The following ESRRB variants were observed in gnomAD, a reference collection of about 807,000 sequenced individuals.
ESRRB encodes the protein steroid hormone receptor ERR2.
Under a neutral mutation model 46.0 loss-of-function variants are expected in ESRRB, and 16 were observed. The ratio of observed to expected loss-of-function variants is 0.35; its 90% confidence interval spans 0.24 to 0.53. ESRRB has a LOEUF of 0.53. Ranked by LOEUF, ESRRB falls within the 20% of genes least tolerant of loss-of-function variation. The pLI is 0.93. For synonymous variants in ESRRB, 246 were observed against 259.6 expected (o/e 0.95, Z 0.50); for missense variants, 488 against 607.4 (o/e 0.80, Z 2.07).
At position 76,482,994 on chromosome 14, in the gene ESRRB, T is replaced by A. The variant is rs374715958; in HGVS notation, c.850+235T>A. On this transcript the variant is annotated intron_variant, in intron 5 of 6. Coordinates refer to ENST00000644823, the MANE Select transcript of ESRRB (RefSeq NM_001379180.1). This position sits in a 1 kb window ranked among gnomAD's most constrained non-coding sequence, Gnocchi z 4.3. ...GCTGCAGGCTCTTCAGAATTAGTTA[T>A]CATTCGAGGCGGGGCCATGTTTGGA... is the stretch of plus-strand genomic sequence containing the variant. 3.7e-4 allele frequency among the ~76,000 whole-genome samples: 56 copies of A among 152,316 alleles called. 2 individuals carry two copies. In the South Asian group the frequency reaches 0.011, roughly 30 times the overall value.
At chr14:76,334,960 T>C (rs531879337) in intron 1 of ESRRB, among the ~76,000 whole-genome samples, 2 of 152,286 alleles carry the variant, frequency 1.3e-5, no homozygotes, top group South Asian at 2.1e-4. Flanking sequence ...CCGAGGTGAC[T>C]CTTCATTCTC....
At chr14:76,492,849 C>T (rs1266962218) in intron 6 of ESRRB, among the ~76,000 whole-genome samples, 1 of 152,194 alleles carries the variant, frequency 6.6e-6, no homozygotes, top group African/African-American at 2.4e-5. Flanking sequence ...AGTAAGTGAA[C>T]TTGAATGTAA....
At chr14:76,329,035 A>G (rs1430257754) in intron 1 of ESRRB, among the ~76,000 whole-genome samples, 1 of 152,172 alleles carries the variant, frequency 6.6e-6, no homozygotes, top group African/African-American at 2.4e-5. Context: ...GAATGTCAGC[A>G]TGGTTATGGG....
intron 1 of ESRRB, among the ~76,000 whole-genome samples, chr14:76,315,483 T>C (rs1285247366): frequency 6.6e-6 from 1 of 152,190 alleles, no homozygotes; most frequent in Non-Finnish European, 1.5e-5. Context: ...TTCTCAGTTA[T>C]GAGACTTGAG....
At chr14:76,392,066 G>C (rs945683972) in intron 1 of ESRRB, among the ~76,000 whole-genome samples, 1 of 152,244 alleles carries the variant, frequency 6.6e-6, no homozygotes, top group Non-Finnish European at 1.5e-5. Context: ...CTCTTCGAAG[G>C]CTTTCTGTTC....
intron 1 of ESRRB, among the ~76,000 whole-genome samples, chr14:76,335,814 C>T (rs529326319): frequency 7.9e-5 from 12 of 152,322 alleles, no homozygotes; most frequent in Middle Eastern, 3.4e-3. Context: ...TTTCAGGTGT[C>T]ATAAGTTAAT....
At chr14:76,315,843 C>CTAAA (rs1467515439) in intron 1 of ESRRB, among the ~76,000 whole-genome samples, 1 of 152,214 alleles carries the variant, frequency 6.6e-6, no homozygotes, top group Non-Finnish European at 1.5e-5. Flanking sequence ...ACTGTTTAAA[C>CTAAA]CACTATGGGA....
intron 1 of ESRRB, among the ~76,000 whole-genome samples, chr14:76,321,826 G>A (rs1405684220): frequency 6.6e-6 from 1 of 151,830 alleles, no homozygotes; most frequent in Admixed American, 6.6e-5. Context: ...GGCGGAGCTT[G>A]CAGTGAGCCG....
intron 1 of ESRRB, among the ~76,000 whole-genome samples, chr14:76,434,604 G>A (rs1410110836): frequency 1.3e-5 from 2 of 150,976 alleles, no homozygotes; most frequent in South Asian, 2.1e-4. Flanking sequence ...AGGTTGCAGT[G>A]AGCCAAGATC....
At chr14:76,430,192 G>C (rs765286240) in intron 1 of ESRRB, among the ~76,000 whole-genome samples, 1 of 152,188 alleles carries the variant, frequency 6.6e-6, no homozygotes, top group Non-Finnish European at 1.5e-5. Context: ...TTTAGTTACA[G>C]TATAGTAGTT....
Position 76,439,596 on chromosome 14 carries a change from C to T in ESRRB, c.306C>T (p.Ser102=), listed in dbSNP as rs371102435. 51 of 1,614,180 alleles carry T rather than the reference C, an allele frequency of 3.2e-5. No individual in the cohort carries two copies. The African/African-American group carries it at 6.1e-4, about 19-fold the overall frequency. ...PCRKSYEDCA[S]GIMEDSAIKC... The stretch of plus-strand genomic sequence containing the variant: ...GCAAGAGCTACGAGGACTGTGCCAG[C>T]GGCATCATGGAGGACTCGGCCATCA... The change falls in exon 2 of 7, where the codon AGC becomes AGT. Residue 102 remains serine, a synonymous_variant. Transcript: ENST00000644823.
chr14:76,500,606 C>T lies in ESRRB; in HGVS notation c.*2148C>T. ...TGTCCTTGCAGCGGGGCCGAGGTAG[C>T]ACCCTGCTCTGTCACTTCCTGCTCA... On this transcript the variant is annotated 3_prime_UTR_variant, in exon 7 of 7. Transcript: ENST00000644823. 7.3e-7 allele frequency: 1 copy of T among 1,379,118 alleles called. No individual in the cohort carries two copies. The highest frequency in any genetic ancestry group is 1.0e-6 in the Non-Finnish European group (1 of 968,692). The allele number at this position is 1,379,118 out of a possible 1,614,324, so 85.4% of individuals were successfully genotyped here. A position where few individuals can be genotyped will look rare whatever the true frequency, so the allele number is the denominator to read the frequency against.
intron 2 of ESRRB, among the ~76,000 whole-genome samples, chr14:76,456,606 G>A (rs951161730): frequency 1.3e-5 from 2 of 152,184 alleles, no homozygotes; most frequent in Non-Finnish European, 2.9e-5. Context: ...CAGGTGGCTA[G>A]TCGTCCCTTT....
chr14:76,463,647 C>T (rs965243731), intron 3 of ESRRB, among the ~76,000 whole-genome samples: 3 of 151,744 alleles, frequency 2.0e-5, no homozygotes, highest in Non-Finnish European at 2.9e-5. Flanking sequence ...CGGGGTTTCA[C>T]GGTGTTAGCC....
At chr14:76,410,273 G>T (rs1339912868) in intron 1 of ESRRB, among the ~76,000 whole-genome samples, 1 of 151,980 alleles carries the variant, frequency 6.6e-6, no homozygotes, top group African/African-American at 2.4e-5. Flanking sequence ...TACCATTTTT[G>T]AGCCATTATA....
At chr14:76,469,821 T>C (rs566043226) in intron 3 of ESRRB, among the ~76,000 whole-genome samples, 9 of 152,210 alleles carry the variant, frequency 5.9e-5, no homozygotes, top group African/African-American at 1.9e-4. Flanking sequence ...TCTTGTCCCA[T>C]TCACCCCTTT....
intron 1 of ESRRB, among the ~76,000 whole-genome samples, chr14:76,401,406 A>G (rs1368436830): frequency 6.6e-6 from 1 of 152,198 alleles, no homozygotes; most frequent in Non-Finnish European, 1.5e-5. Flanking sequence ...CTTCAGCTGC[A>G]GCATTCCTTG....
At chr14:76,351,788 G>A (rs1884315782) in intron 1 of ESRRB, among the ~76,000 whole-genome samples, 1 of 152,030 alleles carries the variant, frequency 6.6e-6, no homozygotes. Flanking sequence ...AACAAGGACT[G>A]GGTGAATGTC....
chr14:76,428,641 C>T, intron 1 of ESRRB, among the ~76,000 whole-genome samples: 1 of 152,122 alleles, frequency 6.6e-6, no homozygotes. Context: ...AGCCTGAGCT[C>T]ATGTGTGCTG....
Sources: gnomAD v4.1 joint callset for allele counts (sites outside exome capture counted in the v4.1 genomes callset) on GRCh38, gnomAD v4.1.1 for gene constraint, Gnocchi (gnomAD v3.1) non-coding constraint, MANE v1.5 for transcripts, NCBI Gene and HGNC (gene_info 2026-07-23, HGNC 2026-07-21) for gene names.